CTNND2: variants seen among roughly 807,000 people sequenced by gnomAD.
The protein encoded by CTNND2 is catenin delta-2.
In CTNND2, 22 loss-of-function variants were observed where a neutral mutation model predicts 144.4. That is an observed-to-expected ratio of 0.15 (90% CI 0.11 to 0.22). The LOEUF is 0.22. CTNND2 is among the 10% of genes least tolerant of loss of function. The pLI, the probability that CTNND2 is intolerant of heterozygous loss-of-function variation, is 1.00. For missense variants in CTNND2, 1,353 were observed against 1,618.8 expected (o/e 0.84, Z 2.82); for synonymous variants, 751 against 695.6 (o/e 1.08, Z -1.25).
intron 2 of CTNND2, among the ~76,000 whole-genome samples, chr5:11,620,103 CATT>C (rs1780760805): frequency 6.6e-6 from 1 of 152,126 alleles, no homozygotes; most frequent in Non-Finnish European, 1.5e-5. Context: ...GTAGCTTCAT[CATT>C]ATTTTTGGTA....
intron 2 of CTNND2, among the ~76,000 whole-genome samples, chr5:11,622,627 T>C (rs1243526977): frequency 1.3e-5 from 2 of 152,232 alleles, no homozygotes; most frequent in Admixed American, 1.3e-4. Context: ...TATAGCTCTG[T>C]CAGGTGCTTA....
chr5:11,640,512 C>A (rs543574857), intron 2 of CTNND2, among the ~76,000 whole-genome samples: 17 of 152,278 alleles, frequency 1.1e-4, no homozygotes, highest in African/African-American at 4.1e-4. Flanking sequence ...CTAGAAAAAA[C>A]CAACAACAAT....
intron 9 of CTNND2, among the ~76,000 whole-genome samples, chr5:11,263,577 A>G (rs963338996): frequency 2.6e-5 from 4 of 152,004 alleles, no homozygotes; most frequent in African/African-American, 9.7e-5. Flanking sequence ...TGAATAAGAA[A>G]ATTAAGAGAA....
chr5:11,316,400 A>C (rs1269137585), intron 9 of CTNND2, among the ~76,000 whole-genome samples: 1 of 151,798 alleles, frequency 6.6e-6, no homozygotes, highest in Non-Finnish European at 1.5e-5. Flanking sequence ...TAATCTAAGC[A>C]CTTTAGATGT....
At chr5:11,708,050 G>GT (rs1561715294) in intron 2 of CTNND2, among the ~76,000 whole-genome samples, 9 of 136,706 alleles carry the variant, frequency 6.6e-5, no homozygotes, top group African/African-American at 2.6e-4. Flanking sequence ...TTTTAAAGAT[G>GT]ATTTTTTTTT....
chr5:11,833,820 G>A (rs536670698), intron 1 of CTNND2, among the ~76,000 whole-genome samples: 8 of 152,222 alleles, frequency 5.3e-5, no homozygotes, highest in South Asian at 2.1e-4. Context: ...CACCGTGCCC[G>A]ACTGGAACTG....
intron 9 of CTNND2, among the ~76,000 whole-genome samples, chr5:11,256,909 C>T (rs1744311188): frequency 6.6e-6 from 1 of 151,458 alleles, no homozygotes; most frequent in African/African-American, 2.4e-5. Flanking sequence ...TGCAACATGC[C>T]TGGCCTCTAC....
chr5:11,581,190 T>C (rs903768647), intron 2 of CTNND2, among the ~76,000 whole-genome samples: 2 of 152,180 alleles, frequency 1.3e-5, no homozygotes, highest in African/African-American at 2.4e-5. Context: ...TTACCTACGC[T>C]ACAGACTCTT....
intron 9 of CTNND2, among the ~76,000 whole-genome samples, chr5:11,314,590 C>T (rs1278554336): frequency 6.6e-6 from 1 of 152,192 alleles, no homozygotes; most frequent in Non-Finnish European, 1.5e-5. Context: ...TGGTCTTGAA[C>T]TCCTAGGCTC....
chr5:11,392,840 G>T (rs2149810645), intron 6 of CTNND2, among the ~76,000 whole-genome samples: 1 of 152,182 alleles, frequency 6.6e-6, no homozygotes, highest in Non-Finnish European at 1.5e-5. Context: ...CAAATTTATT[G>T]GTGACTTTTC....
chr5:11,345,033 A>G (rs1272312729), intron 9 of CTNND2, among the ~76,000 whole-genome samples: 1 of 152,202 alleles, frequency 6.6e-6, no homozygotes, highest in Non-Finnish European at 1.5e-5. Flanking sequence ...AAACAATGTC[A>G]AATCACATAT....
intron 1 of CTNND2, among the ~76,000 whole-genome samples, chr5:11,735,644 C>T (rs1787640485): frequency 6.6e-6 from 1 of 152,076 alleles, no homozygotes; most frequent in Admixed American, 6.6e-5. Flanking sequence ...GCAGGTTTTG[C>T]CCATGCTGTT....
At chr5:11,449,233 T>A (rs1765099896) in intron 3 of CTNND2, among the ~76,000 whole-genome samples, 1 of 152,226 alleles carries the variant, frequency 6.6e-6, no homozygotes. Context: ...TATTTACAGA[T>A]ATAAATGTCT....
chr5:11,320,786 T>C (rs773165485), intron 9 of CTNND2, among the ~76,000 whole-genome samples: 5 of 152,136 alleles, frequency 3.3e-5, no homozygotes, highest in African/African-American at 4.8e-5. Flanking sequence ...GTGGGAGGTA[T>C]GTGAGCTATA....
At chr5:10,989,749 C>T (rs1579965415) in intron 19 of CTNND2, among the ~76,000 whole-genome samples, 1 of 152,302 alleles carries the variant, frequency 6.6e-6, no homozygotes. Flanking sequence ...CGTGGCTCTT[C>T]CTGAACTTGT....
chr5:11,124,708 G>A (rs773188832), intron 12 of CTNND2, among the ~76,000 whole-genome samples: 9 of 152,148 alleles, frequency 5.9e-5, no homozygotes, highest in Non-Finnish European at 1.2e-4. Context: ...ATCAACCCCT[G>A]ACCGAGATTC....
At chr5:11,836,919 G>A (rs934972683) in intron 1 of CTNND2, among the ~76,000 whole-genome samples, 3 of 152,168 alleles carry the variant, frequency 2.0e-5, no homozygotes, top group African/African-American at 7.2e-5. Context: ...AGTGGTCCAA[G>A]GCAAAAGCTC....
chr5:11,713,138 T>G (rs1354330895), intron 2 of CTNND2, among the ~76,000 whole-genome samples: 2 of 152,232 alleles, frequency 1.3e-5, no homozygotes, highest in Non-Finnish European at 2.9e-5. Flanking sequence ...AGTCAGCAAT[T>G]TATTTCTTAT....
chr5:11,305,236 C>G (rs1286532038), intron 9 of CTNND2, among the ~76,000 whole-genome samples: 2 of 152,348 alleles, frequency 1.3e-5, no homozygotes, highest in East Asian at 3.9e-4. Context: ...AGATGAGGAA[C>G]CTGGCACAGG....
Sources: gnomAD v4.1 joint callset for allele counts (sites outside exome capture counted in the v4.1 genomes callset) on GRCh38, gnomAD v4.1.1 for gene constraint, MANE v1.5 for transcripts, NCBI Gene and HGNC (gene_info 2026-07-23, HGNC 2026-07-21) for gene names.